CUL5: variants seen among roughly 807,000 people sequenced by gnomAD.
The protein encoded by CUL5 is cullin 5, also known as cullin-5.
In CUL5, 26 loss-of-function variants were observed where a neutral mutation model predicts 108.8. The ratio of observed to expected loss-of-function variants is 0.24; its 90% CI spans 0.18 to 0.33. CUL5 has a LOEUF of 0.33. CUL5 is among the 10% of genes least tolerant of loss of function. CUL5 has a pLI of 1.00. For missense variants in CUL5, 524 were observed against 909.2 expected (o/e 0.58, Z 5.45); for synonymous variants, 334 against 298.0 (o/e 1.12, Z -1.25).
At position 108,098,721 on chromosome 11, in the gene CUL5, A is replaced by G. The variant is rs143867093; in HGVS notation, c.2148+192A>G. On this transcript the variant is annotated intron_variant, in intron 18 of 18. Coordinates refer to ENST00000393094, the MANE Select transcript of CUL5 (RefSeq NM_003478.6). ...ACAAAGTGAGATCTTGTCTCAATCA[A>G]TTTTTTAAAAATATATTAAAAATTT... Among the ~76,000 whole-genome samples the G allele has an allele frequency of 1.9e-3, 288 of 152,026 alleles. 2 individuals carry two copies. The highest frequency in any genetic ancestry group is 6.7e-3 in the African/African-American group (277 of 41,526).
rs1462032156 is a variant in CUL5 at position 108,107,074 on chromosome 11, C to T, written c.*2690C>T. 1 of 151,166 alleles carries T rather than the reference C, an allele frequency of 6.6e-6. No homozygotes were observed. The highest frequency in any genetic ancestry group is 2.4e-5 in the African/African-American group (1 of 41,078). The allele number at this position is 151,166 out of a possible 1,614,324, so 9.4% of individuals were successfully genotyped here. A position where few individuals can be genotyped will look rare whatever the true frequency, so the allele number is the denominator to read the frequency against. ...CAATGAGATAAATATTAGAATATTA[C>T]TATTCCAATGATTAAATGAGGATCT... On this transcript the variant is annotated 3_prime_UTR_variant, in exon 19 of 19. Coordinates refer to ENST00000393094, the MANE Select transcript of CUL5 (RefSeq NM_003478.6).
Position 108,073,048 on chromosome 11 carries a change from A to C in CUL5, c.1006-342A>C, listed in dbSNP as rs529039480. Among the ~76,000 whole-genome samples the C allele has an allele frequency of 2.2e-3, 330 of 152,104 alleles. 1 individual carries two copies. Among genetic ancestry groups the C allele is most frequent in the South Asian group, 0.016 (79 of 4,814 alleles). On this transcript the variant is annotated intron_variant, in intron 9 of 18. Coordinates refer to ENST00000393094, the MANE Select transcript of CUL5 (RefSeq NM_003478.6). ...AAACCCCTCTCTACTAAAAATACAA[A>C]AAAAATAGCCAGGCGGGGTGGCGGG...
chr11:108,062,605 G>C (rs1479594032), intron 7 of CUL5, among the ~76,000 whole-genome samples: 2 of 150,512 alleles, frequency 1.3e-5, no homozygotes, highest in Non-Finnish European at 3.0e-5. Context: ...ATACATACAT[G>C]GTGTATGTAG....
At chr11:108,049,489 G>A (rs1203753978) in intron 3 of CUL5, among the ~76,000 whole-genome samples, 2 of 151,614 alleles carry the variant, frequency 1.3e-5, no homozygotes, top group Non-Finnish European at 2.9e-5. Context: ...CCACAGGCAC[G>A]CACCAACACA....
intron 10 of CUL5, 71 bp from the exon 11 acceptor site, chr11:108,078,105 T>A: frequency 3.4e-6 from 3 of 872,754 alleles, no homozygotes; most frequent in Non-Finnish European, 5.3e-6. Flanking sequence ...TTTATGTGTT[T>A]TGGGATGTAT....
At chr11:108,085,098 A>T (rs988964210) in intron 11 of CUL5, 19 of 152,240 alleles carry the variant, frequency 1.2e-4, no homozygotes, top group African/African-American at 4.1e-4. Context: ...AAATGAAAAC[A>T]TACTTTCATT....
At position 108,105,462 on chromosome 11, in the gene CUL5, A is replaced by G. The variant is rs1864772584; in HGVS notation, c.*1078A>G. 6.6e-6 allele frequency: 1 copy of G among 152,588 alleles called. No individual in the cohort carries two copies. The highest frequency in any genetic ancestry group is 2.4e-5 in the African/African-American group (1 of 41,454). The allele number at this position is 152,588 out of a possible 1,614,324, so 9.5% of individuals were successfully genotyped here. A position where few individuals can be genotyped will look rare whatever the true frequency, so the allele number is the denominator to read the frequency against. Reference sequence around the variant, plus strand: ...GAGAAAAACCACAACATAAGACCTGAAAAACAGAAGCAAAATTGTTGCACT... The same window carrying G: ...GAGAAAAACCACAACATAAGACCTGGAAAACAGAAGCAAAATTGTTGCACT... On this transcript the variant is annotated 3_prime_UTR_variant, in exon 19 of 19. Transcript: ENST00000393094.
chr11:108,056,625 C>CT (rs780496296), intron 7 of CUL5, among the ~76,000 whole-genome samples: 2 of 151,310 alleles, frequency 1.3e-5, no homozygotes, highest in African/African-American at 4.9e-5. Context: ...AGGCTGTTGA[C>CT]TTTTTTTTTA....
At chr11:108,103,883 C>T (rs370896820) in intron 18 of CUL5, among the ~76,000 whole-genome samples, 1 of 152,044 alleles carries the variant, frequency 6.6e-6, no homozygotes, top group Non-Finnish European at 1.5e-5. Flanking sequence ...TGGGTATACA[C>T]GTGTCATGGT....
At chr11:108,094,293 T>G in intron 13 of CUL5, 98 bp from the exon 14 acceptor site, 2 of 903,348 alleles carry the variant, frequency 2.2e-6, no homozygotes, top group Non-Finnish European at 3.3e-6. Context: ...AATTTTGTAT[T>G]AAAACATTTA....
At chr11:108,085,949 G>C (rs972080293) in intron 11 of CUL5, among the ~76,000 whole-genome samples, 1 of 152,062 alleles carries the variant, frequency 6.6e-6, no homozygotes, top group South Asian at 2.1e-4. Flanking sequence ...TGAATTGTAT[G>C]GTTTGCGAAT....
chr11:108,055,516 A>G (rs143648620), intron 7 of CUL5, among the ~76,000 whole-genome samples: 438 of 152,130 alleles, frequency 2.9e-3, no homozygotes, highest in African/African-American at 9.2e-3. Context: ...CAGTGGTGCA[A>G]TTATACCTCA....
chr11:108,018,818 T>C (rs1001763134), intron 1 of CUL5, among the ~76,000 whole-genome samples: 1 of 152,182 alleles, frequency 6.6e-6, no homozygotes, highest in South Asian at 2.1e-4. Context: ...GTACTTGCAA[T>C]GTAACAATGG....
intron 7 of CUL5, among the ~76,000 whole-genome samples, chr11:108,056,091 AAAAC>A (rs1189645709): frequency 6.6e-6 from 1 of 152,200 alleles, no homozygotes; most frequent in Non-Finnish European, 1.5e-5. Context: ...AAAATATTAA[AAAAC>A]AAAAAACTAG....
At chr11:108,053,179 C>G (rs1020262448) in intron 5 of CUL5, among the ~76,000 whole-genome samples, 3 of 152,156 alleles carry the variant, frequency 2.0e-5, no homozygotes, top group Non-Finnish European at 2.9e-5. Context: ...TCTCTTACTT[C>G]TAATTTGTTT....
intron 5 of CUL5, among the ~76,000 whole-genome samples, chr11:108,053,341 C>T (rs968526182): frequency 1.3e-5 from 2 of 152,162 alleles, no homozygotes; most frequent in African/African-American, 4.8e-5. Context: ...GTTGTTAGCA[C>T]CATGTCTTTA....
At chr11:108,015,005 TCTC>T (rs1290486921) in intron 1 of CUL5, among the ~76,000 whole-genome samples, 1 of 152,126 alleles carries the variant, frequency 6.6e-6, no homozygotes, top group Non-Finnish European at 1.5e-5. Context: ...TTCAAGCAAT[TCTC>T]CTTCCTCAGC....
intron 4 of CUL5, among the ~76,000 whole-genome samples, chr11:108,050,731 A>T (rs1185597281): frequency 2.6e-5 from 4 of 152,170 alleles, no homozygotes; most frequent in African/African-American, 9.7e-5. Flanking sequence ...TTATTAGGTT[A>T]CCTTCTGATA....
At chr11:108,103,523 T>A (rs953747478) in intron 18 of CUL5, among the ~76,000 whole-genome samples, 1 of 152,160 alleles carries the variant, frequency 6.6e-6, no homozygotes, top group Non-Finnish European at 1.5e-5. Context: ...TACTACTTAA[T>A]GACTTTTAAA....
Sources: gnomAD v4.1 joint callset for allele counts (sites outside exome capture counted in the v4.1 genomes callset) on GRCh38, gnomAD v4.1.1 for gene constraint, MANE v1.5 for transcripts, NCBI Gene and HGNC (gene_info 2026-07-23, HGNC 2026-07-21) for gene names.